Variants in TNFRSF13B observed in about 807,000 individuals in gnomAD.
TNFRSF13B encodes the protein tumor necrosis factor receptor superfamily member 13B.
In TNFRSF13B, 34 loss-of-function variants were observed where a neutral mutation model predicts 24.0. The ratio of observed to expected loss-of-function variants is 1.41; its 90% CI spans 1.08 to 1.88. The LOEUF (loss-of-function observed/expected upper bound fraction) is 1.88, where lower values mean the gene tolerates loss of function less well. Among genes scored for constraint, TNFRSF13B ranks in the 40% most tolerant of loss-of-function variants. TNFRSF13B has a pLI of 0.00. For missense variants in TNFRSF13B, 415 were observed against 380.8 expected (o/e 1.09, Z -0.75); for synonymous variants, 173 against 150.3 (o/e 1.15, Z -1.10).
chr17:16,963,235 C>T (rs1158006213), intron 1 of TNFRSF13B, among the ~76,000 whole-genome samples: 1 of 152,250 alleles, frequency 6.6e-6, no homozygotes, highest in African/African-American at 2.4e-5. Flanking sequence ...ACCCCCTGAG[C>T]TGCTGCCCTT....
chr17:16,952,801 G>A (rs965958905), intron 1 of TNFRSF13B, among the ~76,000 whole-genome samples: 10 of 152,174 alleles, frequency 6.6e-5, no homozygotes, highest in African/African-American at 2.4e-4. Flanking sequence ...TTCCCCATCT[G>A]CACATGGTTG....
intron 2 of TNFRSF13B, among the ~76,000 whole-genome samples, chr17:16,951,519 T>A (rs2087588414): frequency 6.6e-6 from 1 of 152,236 alleles, no homozygotes; most frequent in African/African-American, 2.4e-5. Flanking sequence ...GATAGGATAT[T>A]TGGATTATGT....
intron 1 of TNFRSF13B, among the ~76,000 whole-genome samples, chr17:16,956,493 A>G (rs868696170): frequency 2.6e-5 from 4 of 152,238 alleles, no homozygotes; most frequent in South Asian, 4.1e-4. Context: ...AGGCATGTTC[A>G]ATGAGCTTAA....
In TNFRSF13B at chr17:16,972,034, A is replaced by G. The variant is rs2087748809; in HGVS notation, c.42T>C (p.Arg14=). Residue 14 remains arginine (R), a synonymous_variant, in exon 1 of 5, where the codon CGT becomes CGC. Coordinates refer to ENST00000261652, the MANE Select transcript of TNFRSF13B (RefSeq NM_012452.3). Reference sequence around the variant, plus strand: ...ACTCACAGCGCTCCTCCTGGTCCACACGGCTCCGGCCACCTCGCCTGCTCC... The same window carrying G: ...ACTCACAGCGCTCCTCCTGGTCCACGCGGCTCCGGCCACCTCGCCTGCTCC... ...LGRSRRGGRS[R]VDQEERFPQG... is the part of the protein sequence containing the mutation. 2 of 1,613,798 alleles carry G rather than the reference A, an allele frequency of 1.2e-6. No homozygotes were observed. The highest frequency in any genetic ancestry group is 2.7e-5 in the African/African-American group (2 of 74,868).
intron 3 of TNFRSF13B, among the ~76,000 whole-genome samples, chr17:16,945,798 TC>T (rs921554545): frequency 2.6e-4 from 39 of 152,054 alleles, no homozygotes; most frequent in African/African-American, 9.2e-4. Context: ...GCTACAGGTT[TC>T]CCCCCTCCCC....
intron 2 of TNFRSF13B, among the ~76,000 whole-genome samples, chr17:16,950,368 G>T (rs1173144674): frequency 6.6e-6 from 1 of 152,206 alleles, no homozygotes; most frequent in Non-Finnish European, 1.5e-5. Flanking sequence ...ACAGTGCCTG[G>T]CACATACTAA....
At chr17:16,966,790 C>T (rs550891048) in intron 1 of TNFRSF13B, among the ~76,000 whole-genome samples, 4 of 150,484 alleles carry the variant, frequency 2.7e-5, no homozygotes, top group South Asian at 2.1e-4. Context: ...TATGTGCTGC[C>T]GAAGTGAGCA....
chr17:16,956,924 C>T (rs2087628885), intron 1 of TNFRSF13B, among the ~76,000 whole-genome samples: 1 of 152,146 alleles, frequency 6.6e-6, no homozygotes, highest in Non-Finnish European at 1.5e-5. Context: ...GCAAGATACT[C>T]CGATGGTGGA....
At chr17:16,953,022 T>C (rs1385209696) in intron 1 of TNFRSF13B, among the ~76,000 whole-genome samples, 1 of 152,226 alleles carries the variant, frequency 6.6e-6, no homozygotes, top group Non-Finnish European at 1.5e-5. Flanking sequence ...AGGGAAGCCT[T>C]TCTGACTCAC....
intron 2 of TNFRSF13B, 38 bp from the exon 3 acceptor site, chr17:16,949,021 A>G (rs1187389450): frequency 6.2e-7 from 1 of 1,613,624 alleles, no homozygotes; most frequent in Non-Finnish European, 8.5e-7. Flanking sequence ...TGGGTGACAC[A>G]GACTAGCAGG....
At chr17:16,960,048 A>G (rs4985724) in intron 1 of TNFRSF13B, among the ~76,000 whole-genome samples, 118,577 of 152,030 alleles carry the variant, frequency 0.78, 46,979 homozygotes, top group East Asian at 0.99. Flanking sequence ...TCTTATGTAT[A>G]CAAATTGAAC....
intron 2 of TNFRSF13B, among the ~76,000 whole-genome samples, chr17:16,949,292 AC>A (rs1016390655): frequency 1.3e-5 from 2 of 152,152 alleles, no homozygotes; most frequent in African/African-American, 4.8e-5. Context: ...TAGTTTCCAA[AC>A]GTATGAAGAT....
chr17:16,972,042 G>A lies in TNFRSF13B; in HGVS notation c.34C>T (p.Arg12Trp), dbSNP rs779924436. The A allele has an allele frequency of 4.3e-5, 70 of 1,614,026 alleles. No individual in the cohort carries two copies. The highest frequency in any genetic ancestry group is 5.3e-5 in the Non-Finnish European group (63 of 1,180,018). The change falls in exon 1 of 5, where the codon CGG becomes TGG. Residue 12 changes from arginine (R) to tryptophan (W), a missense_variant. By Grantham distance (101) the Arg-to-Trp change is moderately radical. Coordinates refer to ENST00000261652, the MANE Select transcript of TNFRSF13B (RefSeq NM_012452.3). ...CGCTCCTCCTGGTCCACACGGCTCC[G>A]GCCACCTCGCCTGCTCCGGCCCAGG... ...SGLGRSRRGG[R>W]SRVDQEERFP...
Position 16,952,523 on chromosome 17 carries a change from TC to T in TNFRSF13B, c.121del (p.Asp41IlefsTer43), listed in dbSNP as rs67951769. 1 of 1,614,186 alleles carries T rather than the reference TC, an allele frequency of 6.2e-7. No individual in the cohort carries two copies. Among genetic ancestry groups the T allele is most frequent in the Middle Eastern group, 1.6e-4 (1 of 6,062 alleles). On this transcript the variant is annotated frameshift_variant, in exon 2 of 5. Transcript: ENST00000261652. LOFTEE classifies it high-confidence loss of function. ...MRSCPEEQYW[D>X]PLLGTCMSCK... Reference sequence around the variant, plus strand: ...GGACATGCAGGTACCCAGCAGAGGATCCCAGTACTGCTCTTCGGGGCAGGAT... The same window carrying T: ...GGACATGCAGGTACCCAGCAGAGGATCCAGTACTGCTCTTCGGGGCAGGAT...
At position 16,952,922 on chromosome 17, in the gene TNFRSF13B, C is replaced by T. The variant is rs1052529322; in HGVS notation, c.62-339G>A. 5.3e-5 allele frequency among the ~76,000 whole-genome samples: 8 copies of T among 152,202 alleles called. 1 individual carries two copies. Among genetic ancestry groups the T allele is most frequent in the Admixed American group, 5.2e-4 (8 of 15,286 alleles). ...CCACAGGGTCTTTGCACCTGCTGTT[C>T]CCTCACATGACGTGCCCTTCTCCCC... On this transcript the variant is annotated intron_variant, in intron 1 of 4. Transcript: ENST00000261652.
chr17:16,939,819 G>A (rs1207103100), intron 4 of TNFRSF13B, 22 bp from the exon 5 acceptor site: 1 of 1,607,494 alleles, frequency 6.2e-7, no homozygotes, highest in Non-Finnish European at 8.5e-7. Context: ...AGAGTGGAGG[G>A]CGTGGGCCAG....
chr17:16,953,571 C>T (rs181508033), intron 1 of TNFRSF13B, among the ~76,000 whole-genome samples: 67 of 152,248 alleles, frequency 4.4e-4, no homozygotes, highest in African/African-American at 1.4e-3. Context: ...CTGGTACTTC[C>T]GTGTCTGGTT....
chr17:16,948,004 T>G (rs2087560977), intron 3 of TNFRSF13B, among the ~76,000 whole-genome samples: 1 of 152,220 alleles, frequency 6.6e-6, no homozygotes, highest in Non-Finnish European at 1.5e-5. Flanking sequence ...AATGAAATAC[T>G]ACACAGCCAT....
chr17:16,953,651 GTGAA>G (rs1040301237), intron 1 of TNFRSF13B, among the ~76,000 whole-genome samples: 2 of 152,156 alleles, frequency 1.3e-5, no homozygotes, highest in African/African-American at 4.8e-5. Context: ...TTGTGTTACT[GTGAA>G]TCTTCCACTG....
Sources: allele counts gnomAD v4.1 joint callset (sites outside exome capture counted in the v4.1 genomes callset), GRCh38; gene constraint gnomAD v4.1.1; transcripts MANE v1.5; gene names NCBI Gene and HGNC (gene_info 2026-07-23, HGNC 2026-07-21).